The following TFEC variants were observed in gnomAD, a reference collection of about 807,000 sequenced individuals.
The protein encoded by TFEC is class E basic helix-loop-helix protein 34.
TFEC carries 31 observed loss-of-function variants against 41.6 expected under a neutral mutation model. That is an observed-to-expected ratio of 0.74 (90% confidence interval 0.56 to 1.01). TFEC has a LOEUF of 1.01. TFEC is among the 50% of genes least tolerant of loss of function. TFEC has a pLI of 0.00. For synonymous variants in TFEC, 143 were observed against 140.6 expected (o/e 1.02, Z -0.12); for missense variants, 402 against 404.1 (o/e 0.99, Z 0.04).
chr7:116,132,600 TG>T lies in TFEC; in HGVS notation c.-68-20563del, dbSNP rs776890802. Among the ~76,000 whole-genome samples, 22 of 152,352 alleles carry T rather than the reference TG, an allele frequency of 1.4e-4. No homozygotes were observed. In the East Asian group the frequency reaches 4.0e-3, roughly 28 times the overall value. ...ATATAATGACTGACTAGCGGTTTGG[TG>T]CCACGGCCTTCATTCATAAAAAGGC... is the stretch of plus-strand genomic sequence containing the variant. On this transcript the variant is annotated intron_variant, in intron 1 of 8. Transcript: ENST00000484212.
At chr7:115,968,910 A>C (rs779385762) in intron 3 of TFEC, among the ~76,000 whole-genome samples, 2 of 151,864 alleles carry the variant, frequency 1.3e-5, no homozygotes, top group African/African-American at 2.4e-5. Flanking sequence ...AACAGTCTCT[A>C]TCTCATAGGT....
chr7:116,100,758 A>G (rs1357108840), intron 3 of TFEC, among the ~76,000 whole-genome samples: 3 of 152,098 alleles, frequency 2.0e-5, no homozygotes, highest in African/African-American at 7.2e-5. Flanking sequence ...TGTCACTTAC[A>G]GTATTATGTG....
At chr7:116,150,965 G>A (rs1798748460) in intron 1 of TFEC, among the ~76,000 whole-genome samples, 1 of 151,968 alleles carries the variant, frequency 6.6e-6, no homozygotes, top group African/African-American at 2.4e-5. Flanking sequence ...GTAAAATCAG[G>A]ATTTGGAGTT....
chr7:116,152,264 A>G (rs1798777334), intron 1 of TFEC, among the ~76,000 whole-genome samples: 1 of 152,264 alleles, frequency 6.6e-6, no homozygotes, highest in Non-Finnish European at 1.5e-5. Context: ...CAGGCACCAC[A>G]GAAGCATGAT....
intron 1 of TFEC, among the ~76,000 whole-genome samples, chr7:116,130,972 T>C (rs1286331559): frequency 6.6e-6 from 1 of 152,154 alleles, no homozygotes; most frequent in African/African-American, 2.4e-5. Context: ...CTAGTTAAAA[T>C]TTTCTATAAA....
At chr7:116,149,360 C>G (rs1403531345) in intron 1 of TFEC, among the ~76,000 whole-genome samples, 1 of 151,854 alleles carries the variant, frequency 6.6e-6, no homozygotes, top group African/African-American at 2.4e-5. Context: ...ATTTGAAAGC[C>G]CAAGTGAAAT....
chr7:116,037,659 A>C (rs1441040249), intron 3 of TFEC, among the ~76,000 whole-genome samples: 2 of 152,020 alleles, frequency 1.3e-5, no homozygotes, highest in African/African-American at 4.8e-5. Context: ...TTAAATGTCA[A>C]ATTTGGCCTT....
At chr7:115,955,919 C>T (rs749402874) in intron 4 of TFEC, among the ~76,000 whole-genome samples, 1 of 151,582 alleles carries the variant, frequency 6.6e-6, no homozygotes, top group African/African-American at 2.4e-5. Flanking sequence ...AAAATTTTAC[C>T]GTGGTGTTTG....
intron 1 of TFEC, among the ~76,000 whole-genome samples, chr7:116,027,288 TAGGA>T (rs1344353254): frequency 6.6e-6 from 1 of 152,006 alleles, no homozygotes; most frequent in Non-Finnish European, 1.5e-5. Context: ...ATTGAACAGA[TAGGA>T]AGTCTAGGCT....
At chr7:116,086,329 T>C (rs1486287606) in intron 3 of TFEC, among the ~76,000 whole-genome samples, 2 of 151,860 alleles carry the variant, frequency 1.3e-5, no homozygotes, top group Non-Finnish European at 1.5e-5. Context: ...ATGAACACTT[T>C]CTTAAAATAA....
intron 3 of TFEC, among the ~76,000 whole-genome samples, chr7:116,063,865 T>C (rs2130998968): frequency 6.6e-6 from 1 of 152,320 alleles, no homozygotes; most frequent in Non-Finnish European, 1.5e-5. Flanking sequence ...CTTAGGTTGA[T>C]TTCATTCTTG....
At chr7:116,064,241 G>A (rs900534030) in intron 3 of TFEC, among the ~76,000 whole-genome samples, 5 of 151,832 alleles carry the variant, frequency 3.3e-5, no homozygotes, top group East Asian at 1.9e-4. Flanking sequence ...TTCTCACCAC[G>A]AAAAAGTATT....
chr7:115,990,268 A>G (rs747298792), intron 1 of TFEC, among the ~76,000 whole-genome samples: 8 of 152,186 alleles, frequency 5.3e-5, no homozygotes, highest in Non-Finnish European at 1.0e-4. Context: ...ATCCACAAAG[A>G]TCGGGAGAAA....
chr7:116,049,768 T>C (rs534815866), intron 3 of TFEC, among the ~76,000 whole-genome samples: 1 of 152,162 alleles, frequency 6.6e-6, no homozygotes, highest in African/African-American at 2.4e-5. Flanking sequence ...ACAGAAATTA[T>C]AACAAACTGT....
At chr7:116,037,871 T>C (rs926832432) in intron 3 of TFEC, among the ~76,000 whole-genome samples, 7 of 152,046 alleles carry the variant, frequency 4.6e-5, no homozygotes, top group African/African-American at 1.4e-4. Context: ...ACAAGAAGCA[T>C]GTCAGGCAAA....
chr7:115,984,608 A>G, intron 1 of TFEC, 95 bp from the exon 2 acceptor site: 2 of 1,388,142 alleles, frequency 1.4e-6, no homozygotes, highest in Non-Finnish European at 1.9e-6. Flanking sequence ...TAAACACACT[A>G]CACTATAGCA....
rs1237401843 is a variant in TFEC at position 116,025,118 on chromosome 7, G to A, written c.-73+5515C>T. ...TGGCAATACATTTTGAGAAAATATG[G>A]AACACTAGAGATGTCCTGTGAAGAA... On this transcript the variant is annotated intron_variant, in intron 1 of 7. Coordinates refer to ENST00000265440, the MANE Select transcript of TFEC (RefSeq NM_012252.4). 2.6e-5 allele frequency among the ~76,000 whole-genome samples: 4 copies of A among 152,254 alleles called. 1 individual carries two copies. The highest frequency in any genetic ancestry group is 6.8e-3 in the Middle Eastern group (2 of 294).
At chr7:115,994,287 T>C (rs1562920372) in intron 1 of TFEC, among the ~76,000 whole-genome samples, 1 of 152,146 alleles carries the variant, frequency 6.6e-6, no homozygotes, top group Non-Finnish European at 1.5e-5. Context: ...ATTCAGGACA[T>C]AGGCATGGGC....
intron 6 of TFEC, among the ~76,000 whole-genome samples, chr7:115,948,238 G>A (rs1332731787): frequency 2.0e-5 from 3 of 151,752 alleles, no homozygotes; most frequent in Non-Finnish European, 4.4e-5. Flanking sequence ...TCCAGGACCA[G>A]ATGGATTCAC....
Sources: gnomAD v4.1 joint callset for allele counts (sites outside exome capture counted in the v4.1 genomes callset) on GRCh38, gnomAD v4.1.1 for gene constraint, MANE v1.5 for transcripts, NCBI Gene and HGNC (gene_info 2026-07-23, HGNC 2026-07-21) for gene names.